Variants in CSMD1 observed in about 807,000 individuals in gnomAD.
CSMD1 encodes CUB and sushi domain-containing protein 1.
In CSMD1, 213 loss-of-function variants were observed where a neutral mutation model predicts 417.5. The observed-to-expected ratio is 0.51, with a 90% confidence interval of 0.46 to 0.57. The LOEUF is 0.57. Ranked by LOEUF, CSMD1 falls within the 20% of genes least tolerant of loss-of-function variation. CSMD1 has a pLI of 0.00. For synonymous variants in CSMD1, 2,862 were observed against 1,736.8 expected, an observed-to-expected ratio of 1.65 and a Z score of -16.11; for missense variants, 6,923 against 4,529.7, an observed-to-expected ratio of 1.53 and a Z score of -15.17.
intron 2 of CSMD1, among the ~76,000 whole-genome samples, chr8:4,428,007 C>T (rs1290413781): frequency 3.3e-5 from 5 of 152,134 alleles, no homozygotes; most frequent in Admixed American, 1.3e-4. Context: ...AAAGATATTC[C>T]AAGTAGCTAC....
At chr8:3,839,831 T>C (rs1037947162) in intron 5 of CSMD1, among the ~76,000 whole-genome samples, 3 of 151,688 alleles carry the variant, frequency 2.0e-5, no homozygotes, top group Non-Finnish European at 2.9e-5. Context: ...CACAGCTAAA[T>C]GGAGGGAACA....
At chr8:3,488,886 T>C (rs1411753786) in intron 11 of CSMD1, among the ~76,000 whole-genome samples, 2 of 152,194 alleles carry the variant, frequency 1.3e-5, no homozygotes, top group African/African-American at 4.8e-5. Flanking sequence ...AAGAATCTTA[T>C]TTCTATTTGG....
At chr8:4,725,001 T>C (rs1375799065) in intron 1 of CSMD1, among the ~76,000 whole-genome samples, 1 of 152,138 alleles carries the variant, frequency 6.6e-6, no homozygotes, top group Non-Finnish European at 1.5e-5. Context: ...GAGGGAAAAG[T>C]CGTGAAAGAA....
intron 5 of CSMD1, among the ~76,000 whole-genome samples, chr8:3,789,792 G>C (rs976561619): frequency 1.4e-5 from 2 of 142,760 alleles, no homozygotes; most frequent in East Asian, 2.1e-4. Flanking sequence ...GTGCAGCGGT[G>C]CTATCTTGGC....
In CSMD1 at chr8:3,201,691, G is replaced by C; in HGVS notation, c.5019C>G (p.Ala1673=). 1 of 1,604,424 alleles carries C rather than the reference G, an allele frequency of 6.2e-7. No homozygotes were observed. The highest frequency in any genetic ancestry group is 8.5e-7 in the Non-Finnish European group (1 of 1,175,268). The change falls in exon 32 of 70, where the codon GCC becomes GCG. Residue 1673 remains alanine (A), a synonymous_variant. Coordinates refer to ENST00000635120, the MANE Select transcript of CSMD1 (RefSeq NM_033225.6). ...CAAATAATTCTGCCAAATCATTCAG[G>C]GCTGTCTGGAAATAGGCAAACTGTC... The part of the protein sequence containing the change: ...VFGQFAYFQT[A]LNDLAELFDG...
intron 3 of CSMD1, among the ~76,000 whole-genome samples, chr8:4,361,408 A>C (rs1331942126): frequency 6.6e-6 from 1 of 152,154 alleles, no homozygotes; most frequent in Non-Finnish European, 1.5e-5. Flanking sequence ...TGTCTCAGGC[A>C]CTGCTTCTAA....
intron 10 of CSMD1, among the ~76,000 whole-genome samples, chr8:3,530,776 G>T (rs774261821): frequency 1.3e-4 from 20 of 150,918 alleles, no homozygotes; most frequent in Non-Finnish European, 2.2e-4. Flanking sequence ...TGATTCTCCT[G>T]CCTTGGCCTC....
At chr8:4,723,026 A>G (rs1162939086) in intron 1 of CSMD1, among the ~76,000 whole-genome samples, 2 of 152,128 alleles carry the variant, frequency 1.3e-5, no homozygotes, top group African/African-American at 4.8e-5. Context: ...AGACACTGCT[A>G]TGTAATATCT....
intron 3 of CSMD1, among the ~76,000 whole-genome samples, chr8:4,202,929 G>A (rs1220776513): frequency 1.3e-5 from 2 of 152,210 alleles, no homozygotes; most frequent in Admixed American, 6.5e-5. Flanking sequence ...GAGGAGAGAT[G>A]TTGGCCTTAT....
At chr8:4,343,004 G>C (rs543792135) in intron 3 of CSMD1, among the ~76,000 whole-genome samples, 1 of 152,218 alleles carries the variant, frequency 6.6e-6, no homozygotes, top group East Asian at 1.9e-4. Flanking sequence ...GTAGATTGCA[G>C]TGCACCTGAC....
chr8:4,739,654 C>T (rs148350936), intron 1 of CSMD1, among the ~76,000 whole-genome samples: 2 of 152,270 alleles, frequency 1.3e-5, no homozygotes, highest in African/African-American at 2.4e-5. Flanking sequence ...AAGCCACAGG[C>T]GGACAGTCCA....
At chr8:3,307,393 C>G (rs1804957615) in intron 25 of CSMD1, among the ~76,000 whole-genome samples, 1 of 140,406 alleles carries the variant, frequency 7.1e-6, no homozygotes, top group African/African-American at 2.7e-5. Flanking sequence ...CAGAACAGCC[C>G]AGGCAACCCA....
chr8:3,045,296 C>A (rs536705226), intron 50 of CSMD1, among the ~76,000 whole-genome samples: 1 of 152,128 alleles, frequency 6.6e-6, no homozygotes, highest in Admixed American at 6.5e-5. Flanking sequence ...TTTAATGGAA[C>A]CTGCAATAAC....
intron 1 of CSMD1, among the ~76,000 whole-genome samples, chr8:4,917,505 G>T (rs965054459): frequency 1.3e-5 from 2 of 152,098 alleles, no homozygotes; most frequent in African/African-American, 4.8e-5. Flanking sequence ...ATGGTGGCGG[G>T]TGCCTGTACT....
At chr8:3,332,511 C>A (rs1190861645) in intron 23 of CSMD1, among the ~76,000 whole-genome samples, 1 of 152,226 alleles carries the variant, frequency 6.6e-6, no homozygotes, top group Non-Finnish European at 1.5e-5. Flanking sequence ...TGCCTGTGAC[C>A]ATTCAGAATG....
At chr8:3,279,896 C>A (rs1802599055) in intron 26 of CSMD1, among the ~76,000 whole-genome samples, 1 of 152,172 alleles carries the variant, frequency 6.6e-6, no homozygotes, top group Non-Finnish European at 1.5e-5. Context: ...CCTGGTCCCA[C>A]CCTTGACACA....
chr8:4,917,462 A>C (rs780201315), intron 1 of CSMD1, among the ~76,000 whole-genome samples: 2 of 152,028 alleles, frequency 1.3e-5, no homozygotes, highest in Admixed American at 6.6e-5. Context: ...GTGAAACTCC[A>C]TCTCTACTAA....
intron 3 of CSMD1, among the ~76,000 whole-genome samples, chr8:4,150,212 C>A (rs1043672370): frequency 3.9e-5 from 6 of 152,148 alleles, no homozygotes; most frequent in African/African-American, 1.2e-4. Context: ...AGGATCGGCC[C>A]CAGGAAAACA....
intron 3 of CSMD1, among the ~76,000 whole-genome samples, chr8:4,392,098 A>G (rs544794245): frequency 2.6e-4 from 39 of 152,308 alleles, no homozygotes; most frequent in Admixed American, 2.2e-3. Context: ...GTGTCCAAGG[A>G]AAGACCAGCA....
Sources: gnomAD v4.1 joint callset for allele counts (sites outside exome capture counted in the v4.1 genomes callset) on GRCh38, gnomAD v4.1.1 for gene constraint, MANE v1.5 for transcripts, NCBI Gene and HGNC (gene_info 2026-07-23, HGNC 2026-07-21) for gene names.